The following SPAAR variants were observed in gnomAD, a reference collection of about 807,000 sequenced individuals.
SPAAR encodes long intergenic non-protein coding RNA 961.
For missense variants in SPAAR, 59 were observed against 39.9 expected (o/e 1.48, Z -1.29); for synonymous variants, 27 against 15.9 (o/e 1.70, Z -1.66).
rs1383998722 is a variant in SPAAR at position 35,911,636 on chromosome 9, G to C, written c.*945G>C. ...ATATTTAAGGAGTTTGGTTTGAAGG[G>C]TGCAAAATTGTGAGCCTCCTGGCTC... On this transcript the variant is annotated 3_prime_UTR_variant, in exon 2 of 2. Coordinates refer to ENST00000443779, the MANE Select transcript of SPAAR (RefSeq NM_001348107.3). The C allele has an allele frequency of 6.6e-6, 1 of 152,224 alleles. No homozygotes were observed. The highest frequency in any genetic ancestry group is 1.5e-5 in the Non-Finnish European group (1 of 68,034). 9.4% of individuals were successfully genotyped at this position (152,224 alleles called of 1,614,324 possible).
Position 35,910,322 on chromosome 9 carries a change from G to A in SPAAR, c.-142G>A, listed in dbSNP as rs1409084738. 8.0e-6 allele frequency: 5 copies of A among 628,228 alleles called. No homozygotes were observed. Among genetic ancestry groups the A allele is most frequent in the African/African-American group, 1.8e-5 (1 of 54,990 alleles). 38.9% of individuals were successfully genotyped at this position (628,228 alleles called of 1,614,324 possible). ...GCGCCCGAAGGCCTGGAGCAGGAGC[G>A]ACCCAGGGACTCAGAGCAGCATCTT... On this transcript the variant is annotated 5_prime_UTR_variant, in exon 2 of 2. Coordinates refer to ENST00000443779, the MANE Select transcript of SPAAR (RefSeq NM_001348107.3).
At chr9:35,909,681 C>G (rs1435799096) in intron 1 of SPAAR, 117 bp downstream of exon 1, 2 of 152,632 alleles carry the variant, frequency 1.3e-5, no homozygotes, top group Non-Finnish European at 2.9e-5. Flanking sequence ...TAAGAAGGCT[C>G]TTCCGGGACC....
At position 35,910,963 on chromosome 9, in the gene SPAAR, G is replaced by A; in HGVS notation, c.*272G>A. 1 of 290,136 alleles carries A rather than the reference G, an allele frequency of 3.4e-6. No homozygotes were observed. Among genetic ancestry groups the A allele is most frequent in the South Asian group, 1.7e-4 (1 of 5,856 alleles). The allele number at this position is 290,136 out of a possible 1,614,324, so 18.0% of individuals were successfully genotyped here. A position where few individuals can be genotyped will look rare whatever the true frequency, so the allele number is the denominator to read the frequency against. On this transcript the variant is annotated 3_prime_UTR_variant, in exon 2 of 2. Transcript: ENST00000443779. ...AACAGACAGCGCCGGAGTGCACGGT[G>A]GGCCGGCTCTGCTGATCTACACCAG...
Position 35,910,749 on chromosome 9 carries a change from A to T in SPAAR, c.*58A>T. 4.7e-6 allele frequency: 3 copies of T among 636,310 alleles called. No homozygotes were observed. In the South Asian group the frequency reaches 5.4e-5, roughly 11 times the overall value. 39.4% of individuals were successfully genotyped at this position (636,310 alleles called of 1,614,324 possible). The stretch of plus-strand genomic sequence containing the variant: ...GGTCAGACTCACCCGCTCCTCAGCA[A>T]GCCTTCCCTGGCCTTCCCCTCCTCC... On this transcript the variant is annotated 3_prime_UTR_variant, in exon 2 of 2. Coordinates refer to ENST00000443779, the MANE Select transcript of SPAAR (RefSeq NM_001348107.3).
At position 35,910,393 on chromosome 9, in the gene SPAAR, C is replaced by T. The variant is rs775902410; in HGVS notation, c.-71C>T. 2.9e-5 allele frequency: 20 copies of T among 697,700 alleles called. No individual in the cohort carries two copies. Among genetic ancestry groups the T allele is most frequent in the Admixed American group, 6.0e-5 (3 of 49,716 alleles). 43.2% of individuals were successfully genotyped at this position (697,700 alleles called of 1,614,324 possible). ...CCGCCGGAGGAGCACGGGGCACCTG[C>T]GATCGCGAAGAGCCTCCTGTTCTGG... On this transcript the variant is annotated 5_prime_UTR_variant, in exon 2 of 2. Transcript: ENST00000443779.
chr9:35,911,217 A>C lies in SPAAR; in HGVS notation c.*526A>C, dbSNP rs1833163736. ...GAAACCAAAGAGCTGCTTCCTGAGA[A>C]CAAGTTATTTACCTTAGAATTGAAA... On this transcript the variant is annotated 3_prime_UTR_variant, in exon 2 of 2. Transcript: ENST00000443779. 2.0e-5 allele frequency: 3 copies of C among 153,414 alleles called. No individual in the cohort carries two copies. Among genetic ancestry groups the C allele is most frequent in the Admixed American group, 6.5e-5 (1 of 15,386 alleles). The allele number at this position is 153,414 out of a possible 1,614,324, so 9.5% of individuals were successfully genotyped here. A position where few individuals can be genotyped will look rare whatever the true frequency, so the allele number is the denominator to read the frequency against.
At position 35,910,957 on chromosome 9, in the gene SPAAR, C is replaced by CTTTAATGAT; in HGVS notation, c.*266_*267insTTTAATGAT. Reference sequence around the variant, plus strand: ...TGAGTGAACAGACAGCGCCGGAGTGCACGGTGGGCCGGCTCTGCTGATCTA... The same window carrying CTTTAATGAT: ...TGAGTGAACAGACAGCGCCGGAGTGCTTTAATGATACGGTGGGCCGGCTCTGCTGATCTA... On this transcript the variant is annotated 3_prime_UTR_variant, in exon 2 of 2. Transcript: ENST00000443779. The CTTTAATGAT allele has an allele frequency of 6.9e-6, 2 of 290,570 alleles. No individual in the cohort carries two copies. The highest frequency in any genetic ancestry group is 6.1e-6 in the Non-Finnish European group (1 of 164,044). 18.0% of individuals were successfully genotyped at this position (290,570 alleles called of 1,614,324 possible). A position where few individuals can be genotyped will look rare whatever the true frequency, so the allele number is the denominator to read the frequency against.
Position 35,910,520 on chromosome 9 carries a change from C to G in SPAAR, c.57C>G (p.Ile19Met), listed in dbSNP as rs1833154197. ...TGCTGTTCGTGGTGACTGTGGCCAT[C>G]ACCTGCGTCCTCTGCTGCTTCAGCT... ...VVVLFVVTVA[I>M]TCVLCCFSCD... Residue 19 changes from isoleucine to methionine, a missense_variant, in exon 2 of 2, where the codon ATC becomes ATG. Ile to Met is a conservative substitution (Grantham distance 10). Transcript: ENST00000443779. The G allele has an allele frequency of 1.4e-6, 1 of 702,946 alleles. No individual in the cohort carries two copies. The highest frequency in any genetic ancestry group is 1.7e-5 in the African/African-American group (1 of 57,332). 43.5% of individuals were successfully genotyped at this position (702,946 alleles called of 1,614,324 possible).
chr9:35,909,695 G>A (rs73645477), intron 1 of SPAAR, 131 bp downstream of exon 1: 15 of 152,684 alleles, frequency 9.8e-5, no homozygotes, highest in African/African-American at 3.1e-4. Flanking sequence ...CGGGACCTCC[G>A]GGTAAAGAGC....
Position 35,910,779 on chromosome 9 carries a change from G to T in SPAAR, c.*88G>T. On this transcript the variant is annotated 3_prime_UTR_variant, in exon 2 of 2. Coordinates refer to ENST00000443779, the MANE Select transcript of SPAAR (RefSeq NM_001348107.3). Reference sequence around the variant, plus strand: ...TCCCTGGCCTTCCCCTCCTCCCAGGGCCTTCTCCCTGTCCTTCCCCTCCAG... The same window carrying T: ...TCCCTGGCCTTCCCCTCCTCCCAGGTCCTTCTCCCTGTCCTTCCCCTCCAG... 1 of 618,972 alleles carries T rather than the reference G, an allele frequency of 1.6e-6. No homozygotes were observed. The highest frequency in any genetic ancestry group is 2.9e-6 in the Non-Finnish European group (1 of 345,374). The allele number at this position is 618,972 out of a possible 1,614,324, so 38.3% of individuals were successfully genotyped here.
rs780045260 is a variant in SPAAR at position 35,910,221 on chromosome 9, G to A, written c.-243G>A. 3 of 571,610 alleles carry A rather than the reference G, an allele frequency of 5.2e-6. No individual in the cohort carries two copies. Among genetic ancestry groups the A allele is most frequent in the Non-Finnish European group, 9.4e-6 (3 of 319,454 alleles). The allele number at this position is 571,610 out of a possible 1,614,324, so 35.4% of individuals were successfully genotyped here. ...AGAAGCTGACATGGAGCTGACCACAGCTCTTGGAGGCATGGCCTGAGGCTT... is the reference window on the plus strand; with the variant it reads ...AGAAGCTGACATGGAGCTGACCACAACTCTTGGAGGCATGGCCTGAGGCTT... On this transcript the variant is annotated 5_prime_UTR_variant, in exon 2 of 2. Coordinates refer to ENST00000443779, the MANE Select transcript of SPAAR (RefSeq NM_001348107.3).
At position 35,910,643 on chromosome 9, in the gene SPAAR, C is replaced by A; in HGVS notation, c.180C>A (p.Arg60=). The change falls in exon 2 of 2, where the codon CGC becomes CGA. Residue 60 remains arginine, a synonymous_variant. Coordinates refer to ENST00000443779, the MANE Select transcript of SPAAR (RefSeq NM_001348107.3). ...CTTCTCTCTTCACGGGGCCTGTTCG[C>A]CATGCCCAGCCAGTGCCAAGTGCCC... ...QEASLFTGPV[R]HAQPVPSAQD... 1 of 702,714 alleles carries A rather than the reference C, an allele frequency of 1.4e-6. No homozygotes were observed. The allele number at this position is 702,714 out of a possible 1,614,324, so 43.5% of individuals were successfully genotyped here.
At position 35,910,953 on chromosome 9, in the gene SPAAR, A is replaced by AC; in HGVS notation, c.*262_*263insC. 1 of 362,062 alleles carries AC rather than the reference A, an allele frequency of 2.8e-6. No homozygotes were observed. Among genetic ancestry groups the AC allele is most frequent in the Non-Finnish European group, 4.8e-6 (1 of 206,284 alleles). 22.4% of individuals were successfully genotyped at this position (362,062 alleles called of 1,614,324 possible). A position where few individuals can be genotyped will look rare whatever the true frequency, so the allele number is the denominator to read the frequency against. The stretch of plus-strand genomic sequence containing the variant: ...GGAGTGAGTGAACAGACAGCGCCGG[A>AC]GTGCACGGTGGGCCGGCTCTGCTGA... On this transcript the variant is annotated 3_prime_UTR_variant, in exon 2 of 2. Coordinates refer to ENST00000443779, the MANE Select transcript of SPAAR (RefSeq NM_001348107.3).
In SPAAR at chr9:35,911,067, C is replaced by A. The variant is rs1833161763; in HGVS notation, c.*376C>A. On this transcript the variant is annotated 3_prime_UTR_variant, in exon 2 of 2. Transcript: ENST00000443779. ...CTGTTGCCACCTGGGCACGCAGCAC[C>A]CTCAAGTGGACATTTCTAGAAACCG... is the stretch of plus-strand genomic sequence containing the variant. The A allele has an allele frequency of 1.5e-5, 3 of 195,308 alleles. No homozygotes were observed. The highest frequency in any genetic ancestry group is 3.1e-5 in the Non-Finnish European group (3 of 95,546). The allele number at this position is 195,308 out of a possible 1,614,324, so 12.1% of individuals were successfully genotyped here.
chr9:35,910,318 G>A lies in SPAAR; in HGVS notation c.-146G>A. 1.6e-6 allele frequency: 1 copy of A among 626,984 alleles called. No individual in the cohort carries two copies. Among genetic ancestry groups the A allele is most frequent in the South Asian group, 1.9e-5 (1 of 53,814 alleles). The allele number at this position is 626,984 out of a possible 1,614,324, so 38.8% of individuals were successfully genotyped here. ...GGCAGCGCCCGAAGGCCTGGAGCAG[G>A]AGCGACCCAGGGACTCAGAGCAGCA... On this transcript the variant is annotated 5_prime_UTR_variant, in exon 2 of 2. Transcript: ENST00000443779.
Position 35,910,188 on chromosome 9 carries a change from C to A in SPAAR, c.-276C>A. On this transcript the variant is annotated 5_prime_UTR_variant, in exon 2 of 2. Coordinates refer to ENST00000443779, the MANE Select transcript of SPAAR (RefSeq NM_001348107.3). The stretch of plus-strand genomic sequence containing the variant: ...TGTGCTCACGTCTTCCAGGACAGTG[C>A]TTCTTCTAGAAGCTGACATGGAGCT... 1 of 528,766 alleles carries A rather than the reference C, an allele frequency of 1.9e-6. No homozygotes were observed. Among genetic ancestry groups the A allele is most frequent in the Non-Finnish European group, 3.4e-6 (1 of 293,218 alleles). The allele number at this position is 528,766 out of a possible 1,614,324, so 32.8% of individuals were successfully genotyped here.
At chr9:35,909,889 C>T (rs544595821) in intron 1 of SPAAR, among the ~76,000 whole-genome samples, 20 of 152,204 alleles carry the variant, frequency 1.3e-4, no homozygotes, top group Non-Finnish European at 2.5e-4. Context: ...AGAGCTGGCG[C>T]ATGCCTTCCT....
At position 35,910,725 on chromosome 9, in the gene SPAAR, GTCAGAC is replaced by G. The variant is rs1187250007; in HGVS notation, c.*38_*43del. ...TCCCCAGGATTTGCTGTGCTGATGG[GTCAGAC>G]TCACCCGCTCCTCAGCAAGCCTTCC... On this transcript the variant is annotated 3_prime_UTR_variant, in exon 2 of 2. Coordinates refer to ENST00000443779, the MANE Select transcript of SPAAR (RefSeq NM_001348107.3). 3.0e-6 allele frequency: 2 copies of G among 661,152 alleles called. No homozygotes were observed. The highest frequency in any genetic ancestry group is 5.5e-6 in the Non-Finnish European group (2 of 363,206). 41.0% of individuals were successfully genotyped at this position (661,152 alleles called of 1,614,324 possible).
intron 1 of SPAAR, among the ~76,000 whole-genome samples, chr9:35,909,876 C>T (rs1171517335): frequency 6.6e-6 from 1 of 152,150 alleles, no homozygotes; most frequent in Non-Finnish European, 1.5e-5. Flanking sequence ...CCCTGCCTTG[C>T]CCAGAGCTGG....
Sources: allele counts gnomAD v4.1 joint callset (sites outside exome capture counted in the v4.1 genomes callset), GRCh38; gene constraint gnomAD v4.1.1; transcripts MANE v1.5; gene names NCBI Gene and HGNC (gene_info 2026-07-23, HGNC 2026-07-21).